The following MAGI2 variants were observed in gnomAD, a reference collection of about 807,000 sequenced individuals.
MAGI2 encodes membrane associated guanylate kinase, WW and PDZ domain containing 2, also known as membrane-associated guanylate kinase, WW and PDZ domain-containing protein 2.
In MAGI2, 35 loss-of-function variants were observed where a neutral mutation model predicts 133.3. The observed-to-expected ratio is 0.26, with a 90% CI of 0.20 to 0.35. The LOEUF is 0.35. Among genes scored for constraint, MAGI2 ranks in the 10% least tolerant of loss-of-function variants. The probability of loss-of-function intolerance (pLI) is 1.00; values close to 1 mark genes in which losing one functional copy is unlikely to be tolerated. For synonymous variants in MAGI2, 729 were observed against 710.6 expected, an observed-to-expected ratio of 1.03 and a Z score of -0.41; for missense variants, 1,636 against 1,863.4, an observed-to-expected ratio of 0.88 and a Z score of 2.25.
At chr7:79,357,840 C>A (rs1842126777) in intron 1 of MAGI2, among the ~76,000 whole-genome samples, 1 of 152,096 alleles carries the variant, frequency 6.6e-6, no homozygotes, top group African/African-American at 2.4e-5. Flanking sequence ...TATAAAAAAA[C>A]CTTGTCTCCT....
intron 6 of MAGI2, among the ~76,000 whole-genome samples, chr7:78,402,837 C>T (rs1039921830): frequency 3.3e-5 from 5 of 152,058 alleles, no homozygotes; most frequent in Admixed American, 2.0e-4. Flanking sequence ...TATTGGTATA[C>T]ACAACATATG....
intron 2 of MAGI2, among the ~76,000 whole-genome samples, chr7:78,856,048 T>G (rs1051065175): frequency 6.6e-6 from 1 of 152,252 alleles, no homozygotes; most frequent in African/African-American, 2.4e-5. Context: ...CATAAATGTC[T>G]TCTTTTGAGA....
chr7:78,116,468 T>C (rs1343557371), intron 20 of MAGI2, among the ~76,000 whole-genome samples: 2 of 151,876 alleles, frequency 1.3e-5, no homozygotes, highest in African/African-American at 2.4e-5. Flanking sequence ...GTAAGCTGAC[T>C]CTCTGAAAAG....
At chr7:79,208,907 T>C (rs1470939142) in intron 1 of MAGI2, among the ~76,000 whole-genome samples, 1 of 151,970 alleles carries the variant, frequency 6.6e-6, no homozygotes, top group African/African-American at 2.4e-5. Context: ...GAGGACAACA[T>C]AGATTAACCA....
intron 1 of MAGI2, among the ~76,000 whole-genome samples, chr7:79,201,859 G>T (rs1167721030): frequency 6.6e-6 from 1 of 151,892 alleles, no homozygotes; most frequent in African/African-American, 2.4e-5. Flanking sequence ...TATTTATATG[G>T]AATTCAATTT....
At chr7:78,674,683 C>T (rs1031890218) in intron 2 of MAGI2, among the ~76,000 whole-genome samples, 1 of 151,896 alleles carries the variant, frequency 6.6e-6, no homozygotes, top group Non-Finnish European at 1.5e-5. Flanking sequence ...AATTATTGTA[C>T]AGAGAATTAG....
At chr7:78,901,632 T>G (rs1053749269) in intron 2 of MAGI2, 3 of 152,080 alleles carry the variant, frequency 2.0e-5, no homozygotes, top group Admixed American at 2.0e-4. Flanking sequence ...ATCAATTTTG[T>G]TGGTGTCATG....
At chr7:78,775,239 G>A (rs1486909422) in intron 2 of MAGI2, among the ~76,000 whole-genome samples, 2 of 149,358 alleles carry the variant, frequency 1.3e-5, no homozygotes, top group Non-Finnish European at 3.0e-5. Context: ...TGTGAACCCG[G>A]GAGGCAGAGC....
intron 2 of MAGI2, chr7:79,000,285 T>C (rs1584629984): frequency 6.6e-6 from 1 of 152,170 alleles, no homozygotes; most frequent in African/African-American, 2.4e-5. Flanking sequence ...AATCCACAGG[T>C]TGATGTCACT....
At chr7:78,933,861 A>T (rs2151663495) in intron 2 of MAGI2, among the ~76,000 whole-genome samples, 1 of 152,274 alleles carries the variant, frequency 6.6e-6, no homozygotes, top group African/African-American at 2.4e-5. Context: ...AAAACATTTT[A>T]AAAAGCCATC....
chr7:78,400,012 C>G (rs546836994), intron 6 of MAGI2, among the ~76,000 whole-genome samples: 1 of 152,142 alleles, frequency 6.6e-6, no homozygotes, highest in East Asian at 1.9e-4. Context: ...CAGTTTTTCT[C>G]TTCTAAGTAA....
Position 78,794,247 on chromosome 7 carries a change from C to T in MAGI2, c.419-167008G>A, listed in dbSNP as rs965646980. ...GCACTGCCTGGTTAATCCTGAGATG[C>T]GGGCTCAGCTGAGTTTGTTGGTAGT... On this transcript the variant is annotated intron_variant, in intron 2 of 21. Coordinates refer to ENST00000354212, the MANE Select transcript of MAGI2 (RefSeq NM_012301.4). 3.9e-5 allele frequency among the ~76,000 whole-genome samples: 6 copies of T among 152,284 alleles called. No homozygotes were observed. In the East Asian group the frequency reaches 5.8e-4, roughly 15 times the overall value.
At chr7:79,448,040 A>C (rs1419620886) in intron 1 of MAGI2, among the ~76,000 whole-genome samples, 1 of 151,898 alleles carries the variant, frequency 6.6e-6, no homozygotes, top group Non-Finnish European at 1.5e-5. Flanking sequence ...TAGGATTTCT[A>C]TGTTGTCAAG....
In MAGI2 at chr7:79,416,725, C is replaced by CTTT. The variant is rs1176426138; in HGVS notation, c.301+36292_301+36294dup. ...TTCTTTTTTCTTTTCTTTTCTTTTT[C>CTTT]TTTTTCTTTTTTTTTTTTTGAGGTG... On this transcript the variant is annotated intron_variant, in intron 1 of 21. Coordinates refer to ENST00000354212, the MANE Select transcript of MAGI2 (RefSeq NM_012301.4). 5.7e-4 allele frequency among the ~76,000 whole-genome samples: 58 copies of CTTT among 102,460 alleles called. 17 individuals carry two copies. The highest frequency in any genetic ancestry group is 7.9e-4 in the African/African-American group (19 of 24,048). The allele number at this position is 102,460 out of a possible 152,430, so 67.2% of individuals were successfully genotyped here.
chr7:79,143,388 A>C (rs1007320424), intron 1 of MAGI2, among the ~76,000 whole-genome samples: 1 of 152,236 alleles, frequency 6.6e-6, no homozygotes, highest in Admixed American at 6.5e-5. Flanking sequence ...ATGCAAACAC[A>C]GGTTTGTTGT....
At chr7:78,430,244 T>TC (rs1243092100) in intron 6 of MAGI2, among the ~76,000 whole-genome samples, 11 of 135,544 alleles carry the variant, frequency 8.1e-5, no homozygotes, top group Non-Finnish European at 1.4e-4. Context: ...AAAAGCCTTT[T>TC]TTTTTTTTTT....
At chr7:78,827,217 G>C (rs533993632) in intron 2 of MAGI2, among the ~76,000 whole-genome samples, 1 of 152,090 alleles carries the variant, frequency 6.6e-6, no homozygotes, top group Non-Finnish European at 1.5e-5. Context: ...CAAATATTGG[G>C]TTCTAATACC....
chr7:79,438,888 C>T (rs1488408687), intron 1 of MAGI2, among the ~76,000 whole-genome samples: 2 of 152,114 alleles, frequency 1.3e-5, no homozygotes, highest in African/African-American at 2.4e-5. Flanking sequence ...GTTTCTCCTT[C>T]GCCTAAACAC....
chr7:78,020,924 T>C (rs764251829), intron 21 of MAGI2, among the ~76,000 whole-genome samples: 2 of 152,238 alleles, frequency 1.3e-5, no homozygotes, highest in African/African-American at 2.4e-5. Flanking sequence ...AGGACTAAGA[T>C]AATTCTTTCT....
Sources: gnomAD v4.1 joint callset for allele counts (sites outside exome capture counted in the v4.1 genomes callset) on GRCh38, gnomAD v4.1.1 for gene constraint, MANE v1.5 for transcripts, NCBI Gene and HGNC (gene_info 2026-07-23, HGNC 2026-07-21) for gene names.